Variants in DPP10 observed in about 807,000 individuals in gnomAD.
DPP10 encodes dipeptidyl peptidase like 10.
In DPP10, 33 loss-of-function variants were observed where a neutral mutation model predicts 120.9. That is an observed-to-expected ratio of 0.27 (90% confidence interval 0.21 to 0.37). The LOEUF is 0.37. DPP10 is among the 10% of genes least tolerant of loss of function. The pLI is 1.00. For synonymous variants in DPP10, 337 were observed against 326.1 expected (o/e 1.03, Z -0.36); for missense variants, 816 against 942.8 (o/e 0.87, Z 1.76).
At chr2:115,489,558 G>C (rs553980496) in intron 3 of DPP10, among the ~76,000 whole-genome samples, 1 of 150,176 alleles carries the variant, frequency 6.7e-6, no homozygotes, top group African/African-American at 2.4e-5. Context: ...AAAAGGCCAT[G>C]CAAGGCAAAG....
intron 3 of DPP10, among the ~76,000 whole-genome samples, chr2:115,382,381 C>T (rs902603837): frequency 2.6e-5 from 4 of 152,250 alleles, no homozygotes; most frequent in African/African-American, 9.6e-5. Context: ...ACCCCTTGCA[C>T]TTCCTGAGTG....
intron 3 of DPP10, among the ~76,000 whole-genome samples, chr2:115,432,863 A>G (rs2071133750): frequency 6.6e-6 from 1 of 151,982 alleles, no homozygotes. Flanking sequence ...CCGTCCCTTA[A>G]CAAATAATTA....
chr2:114,480,566 A>C (rs1455549392), intron 1 of DPP10, among the ~76,000 whole-genome samples: 1 of 152,146 alleles, frequency 6.6e-6, no homozygotes, highest in Non-Finnish European at 1.5e-5. Context: ...AGGAACATGG[A>C]TGAAGCTGGA....
At chr2:115,377,078 T>G (rs145134156) in intron 3 of DPP10, among the ~76,000 whole-genome samples, 102,587 of 150,964 alleles carry the variant, frequency 0.68, 35,177 homozygotes, top group Admixed American at 0.75. Context: ...GTAATGGGAT[T>G]GCTGGGTCAA....
intron 1 of DPP10, among the ~76,000 whole-genome samples, chr2:114,928,948 A>G (rs1036239224): frequency 6.6e-5 from 10 of 152,170 alleles, no homozygotes; most frequent in African/African-American, 2.4e-4. Context: ...ACCAGCCCCC[A>G]ATATTTCAAC....
intron 8 of DPP10, among the ~76,000 whole-genome samples, chr2:115,736,853 G>A (rs75862387): frequency 3.9e-5 from 6 of 152,026 alleles, no homozygotes; most frequent in South Asian, 4.2e-4. Context: ...CTAGTAAGTC[G>A]ATTCACTTGT....
chr2:115,445,953 T>G (rs1308824140), intron 3 of DPP10, among the ~76,000 whole-genome samples: 1 of 152,036 alleles, frequency 6.6e-6, no homozygotes, highest in South Asian at 2.1e-4. Context: ...CTTGGTGTCC[T>G]GCGGCCCAGC....
At chr2:115,010,416 T>A (rs1310187950) in intron 1 of DPP10, among the ~76,000 whole-genome samples, 2 of 152,196 alleles carry the variant, frequency 1.3e-5, no homozygotes, top group Non-Finnish European at 2.9e-5. Context: ...ATAAATGATG[T>A]ATTTTTATTG....
In DPP10 at chr2:115,357,361, G is replaced by C. The variant is rs183802190; in HGVS notation, c.271+13449G>C. Reference sequence around the variant, plus strand: ...AGAGAAATTGGTCAAGGGCCTACAGGCCCCATACAAGTCCGAAATTCAATA... The same window carrying C: ...AGAGAAATTGGTCAAGGGCCTACAGCCCCCATACAAGTCCGAAATTCAATA... On this transcript the variant is annotated intron_variant, in intron 3 of 25. Transcript: ENST00000410059. 9.8e-4 allele frequency among the ~76,000 whole-genome samples: 150 copies of C among 152,306 alleles called. 1 individual carries two copies. Among genetic ancestry groups the C allele is most frequent in the Middle Eastern group, 3.4e-3 (1 of 294 alleles).
chr2:115,330,937 A>G (rs1420019736), intron 2 of DPP10, among the ~76,000 whole-genome samples: 4 of 152,222 alleles, frequency 2.6e-5, no homozygotes, highest in Admixed American at 2.6e-4. Flanking sequence ...ATGAACTTTA[A>G]GGTAGTTTTT....
chr2:115,003,142 A>C (rs1701557615), intron 1 of DPP10, among the ~76,000 whole-genome samples: 1 of 151,546 alleles, frequency 6.6e-6, no homozygotes, highest in African/African-American at 2.4e-5. Flanking sequence ...CTAGATAAAG[A>C]AAATGTGGTA....
At chr2:115,189,956 A>G (rs1215969998) in intron 1 of DPP10, among the ~76,000 whole-genome samples, 2 of 152,088 alleles carry the variant, frequency 1.3e-5, no homozygotes, top group African/African-American at 2.4e-5. Context: ...AGACCTTGCA[A>G]TGCCTTTGTT....
chr2:114,837,358 A>G lies in DPP10; in HGVS notation c.60+394520A>G, dbSNP rs560110185. Among the ~76,000 whole-genome samples the G allele has an allele frequency of 2.0e-5, 3 of 152,278 alleles. No individual in the cohort carries two copies. The South Asian group carries it at 6.2e-4, about 32-fold the overall frequency. On this transcript the variant is annotated intron_variant, in intron 1 of 25. Coordinates refer to ENST00000410059, the MANE Select transcript of DPP10 (RefSeq NM_020868.6). ...CGTTCCGGGTCCCTGACTTCCCGCAACAGCTATTTCATAATATTAGGGATT... is the reference window on the plus strand; with the variant it reads ...CGTTCCGGGTCCCTGACTTCCCGCAGCAGCTATTTCATAATATTAGGGATT...
At chr2:115,148,985 C>T (rs1466527991) in intron 1 of DPP10, among the ~76,000 whole-genome samples, 3 of 152,164 alleles carry the variant, frequency 2.0e-5, no homozygotes, top group Non-Finnish European at 4.4e-5. Flanking sequence ...ATCAATGTGT[C>T]ATCTCCCTTG....
At chr2:115,682,614 A>C (rs2090736532) in intron 5 of DPP10, among the ~76,000 whole-genome samples, 1 of 151,806 alleles carries the variant, frequency 6.6e-6, no homozygotes, top group African/African-American at 2.4e-5. Flanking sequence ...ATAAAGTATA[A>C]TCTTCTGGTA....
intron 1 of DPP10, among the ~76,000 whole-genome samples, chr2:114,449,557 T>A (rs536130278): frequency 2.0e-5 from 3 of 151,586 alleles, no homozygotes; most frequent in Admixed American, 6.6e-5. Flanking sequence ...ATAAGGCAGA[T>A]CGGATGGCTT....
intron 1 of DPP10, among the ~76,000 whole-genome samples, chr2:115,005,526 G>A (rs1398649329): frequency 6.6e-6 from 1 of 151,668 alleles, no homozygotes; most frequent in Non-Finnish European, 1.5e-5. Flanking sequence ...GCTTAAAGGA[G>A]CTGATGGAGC....
chr2:115,155,982 T>C (rs2051882577), intron 1 of DPP10, among the ~76,000 whole-genome samples: 1 of 152,196 alleles, frequency 6.6e-6, no homozygotes, highest in African/African-American at 2.4e-5. Flanking sequence ...TTAGTAAATA[T>C]TTAGATATGC....
At chr2:115,122,430 ACTTTGGTCTCTTATGCCTG>A (rs2049873054) in intron 1 of DPP10, among the ~76,000 whole-genome samples, 5 of 152,184 alleles carry the variant, frequency 3.3e-5, no homozygotes, top group Non-Finnish European at 5.9e-5. Context: ...TCCTACAGGT[ACTTTGGTCTCTTATGCCTG>A]TGGCCTTGGG....
Sources: allele counts gnomAD v4.1 joint callset (sites outside exome capture counted in the v4.1 genomes callset), GRCh38; gene constraint gnomAD v4.1.1; transcripts MANE v1.5; gene names NCBI Gene and HGNC (gene_info 2026-07-23, HGNC 2026-07-21).